SLC9A9: variants seen among roughly 807,000 people sequenced by gnomAD.
The protein encoded by SLC9A9 is solute carrier family 9 member A9.
A neutral mutation model predicts 77.8 loss-of-function variants in SLC9A9; 62 were observed. The observed-to-expected ratio is 0.80, with a 90% CI of 0.65 to 0.98. SLC9A9 has a LOEUF of 0.98. Among genes scored for constraint, SLC9A9 ranks in the 50% least tolerant of loss-of-function variants. The pLI is 0.00. For synonymous variants in SLC9A9, 320 were observed against 283.5 expected, an observed-to-expected ratio of 1.13 and a Z score of -1.29; for missense variants, 775 against 774.9, an observed-to-expected ratio of 1.00 and a Z score of 0.00.
chr3:143,434,042 T>C (rs2034575708), intron 12 of SLC9A9, among the ~76,000 whole-genome samples: 1 of 152,168 alleles, frequency 6.6e-6, no homozygotes, highest in Admixed American at 6.5e-5. Context: ...TCCTTATCTT[T>C]AAAATGGACA....
intron 6 of SLC9A9, among the ~76,000 whole-genome samples, chr3:143,600,055 G>A (rs1282468552): frequency 6.6e-6 from 1 of 151,206 alleles, no homozygotes; most frequent in Non-Finnish European, 1.5e-5. Flanking sequence ...TATACTTTAA[G>A]TTCTGGGATA....
chr3:143,522,853 T>G lies in SLC9A9; in HGVS notation c.1090-27405A>C, dbSNP rs114747419. On this transcript the variant is annotated intron_variant, in intron 9 of 15. Coordinates refer to ENST00000316549, the MANE Select transcript of SLC9A9 (RefSeq NM_173653.4). Reference sequence around the variant, plus strand: ...AGAGGAAATATGCTAAAAATTCCAATAAAACACACCCTAAATCATTACCCT... The same window carrying G: ...AGAGGAAATATGCTAAAAATTCCAAGAAAACACACCCTAAATCATTACCCT... 2.2e-3 allele frequency among the ~76,000 whole-genome samples: 333 copies of G among 152,156 alleles called. 1 individual carries two copies. The highest frequency in any genetic ancestry group is 7.7e-3 in the African/African-American group (319 of 41,524).
chr3:143,671,739 G>A (rs1359483581), intron 5 of SLC9A9, among the ~76,000 whole-genome samples: 3 of 152,202 alleles, frequency 2.0e-5, no homozygotes, highest in South Asian at 4.1e-4. Context: ...ACTGTTAAAT[G>A]ACACTGTGTG....
Position 143,473,478 on chromosome 3 carries a change from C to A in SLC9A9, c.1316-6288G>T, listed in dbSNP as rs111845695. On this transcript the variant is annotated intron_variant, in intron 11 of 15. Coordinates refer to ENST00000316549, the MANE Select transcript of SLC9A9 (RefSeq NM_173653.4). The stretch of plus-strand genomic sequence containing the variant: ...TGTTATCCCCACCTCTGTGCCATGG[C>A]CTCACCATTAATTTCTTGCTTCAGT... Among the ~76,000 whole-genome samples, 1,330 of 152,298 alleles carry A rather than the reference C, an allele frequency of 8.7e-3. 14 individuals are homozygous for A. The highest frequency in any genetic ancestry group is 0.03 in the African/African-American group (1,240 of 41,538).
At chr3:143,761,485 C>T (rs1428073422) in intron 4 of SLC9A9, among the ~76,000 whole-genome samples, 2 of 152,088 alleles carry the variant, frequency 1.3e-5, no homozygotes, top group Non-Finnish European at 2.9e-5. Context: ...TGAACTCAAA[C>T]AAATTTACCA....
intron 6 of SLC9A9, among the ~76,000 whole-genome samples, chr3:143,618,344 G>A (rs146614063): frequency 1.5e-3 from 232 of 152,290 alleles, no homozygotes; most frequent in African/African-American, 5.2e-3. Flanking sequence ...CTTTGGAAGG[G>A]AGTGTAAAGA....
chr3:143,422,035 A>G (rs1248756792), intron 12 of SLC9A9, among the ~76,000 whole-genome samples: 2 of 152,246 alleles, frequency 1.3e-5, no homozygotes, highest in African/African-American at 4.8e-5. Flanking sequence ...CCACAATATG[A>G]TATTATCTCA....
chr3:143,660,918 C>T (rs539282583), intron 5 of SLC9A9, among the ~76,000 whole-genome samples: 1 of 152,310 alleles, frequency 6.6e-6, no homozygotes, highest in Non-Finnish European at 1.5e-5. Flanking sequence ...ATATGTGTGC[C>T]TATGAGGTCC....
chr3:143,783,630 T>C (rs754568788), intron 4 of SLC9A9, among the ~76,000 whole-genome samples: 3 of 151,940 alleles, frequency 2.0e-5, no homozygotes, highest in Non-Finnish European at 4.4e-5. Context: ...AAATCATAAA[T>C]GGGGAAAAAT....
At chr3:143,711,426 C>A (rs1934191346) in intron 4 of SLC9A9, among the ~76,000 whole-genome samples, 1 of 151,964 alleles carries the variant, frequency 6.6e-6, no homozygotes, top group Non-Finnish European at 1.5e-5. Flanking sequence ...GAATTTTTTT[C>A]TTAGAGACAG....
chr3:143,444,565 C>A (rs1403247932), intron 12 of SLC9A9, among the ~76,000 whole-genome samples: 4 of 152,164 alleles, frequency 2.6e-5, no homozygotes, highest in African/African-American at 9.7e-5. Flanking sequence ...TTAATAGTCT[C>A]AGATAGTTTA....
chr3:143,286,192 C>T (rs1938376960), intron 14 of SLC9A9, among the ~76,000 whole-genome samples: 1 of 152,168 alleles, frequency 6.6e-6, no homozygotes, highest in Admixed American at 6.5e-5. Context: ...CCTAATTGGG[C>T]TTCCTTTTTC....
At chr3:143,523,644 G>A (rs1230118720) in intron 9 of SLC9A9, among the ~76,000 whole-genome samples, 1 of 152,132 alleles carries the variant, frequency 6.6e-6, no homozygotes, top group Non-Finnish European at 1.5e-5. Flanking sequence ...AATACCTACT[G>A]TGCAAACTTG....
intron 5 of SLC9A9, among the ~76,000 whole-genome samples, chr3:143,688,504 C>T (rs116050891): frequency 4.6e-4 from 70 of 152,208 alleles, no homozygotes; most frequent in African/African-American, 1.6e-3. Flanking sequence ...GCCAGAATAT[C>T]TACGTATGGC....
intron 9 of SLC9A9, among the ~76,000 whole-genome samples, chr3:143,539,539 G>A (rs2036649549): frequency 6.6e-6 from 1 of 152,116 alleles, no homozygotes; most frequent in African/African-American, 2.4e-5. Flanking sequence ...GAAATAAGTA[G>A]AAAAATTACA....
intron 8 of SLC9A9, among the ~76,000 whole-genome samples, chr3:143,569,814 C>CTT (rs530202918): frequency 1.5e-5 from 2 of 133,396 alleles, no homozygotes; most frequent in African/African-American, 2.8e-5. Context: ...TTGTTTTTTT[C>CTT]TTTTTTTTTT....
chr3:143,432,655 G>A (rs2034542684), intron 12 of SLC9A9, among the ~76,000 whole-genome samples: 1 of 152,138 alleles, frequency 6.6e-6, no homozygotes, highest in Admixed American at 6.5e-5. Context: ...TTGAGACGGA[G>A]TCTCATTCTG....
chr3:143,357,624 C>T (rs1342488184), intron 14 of SLC9A9, among the ~76,000 whole-genome samples: 1 of 152,152 alleles, frequency 6.6e-6, no homozygotes, highest in Admixed American at 6.6e-5. Flanking sequence ...GATGGGCCAC[C>T]TGAACTGGGG....
At chr3:143,287,811 GA>G (rs1478863050) in intron 14 of SLC9A9, among the ~76,000 whole-genome samples, 1 of 152,136 alleles carries the variant, frequency 6.6e-6, no homozygotes, top group Admixed American at 6.5e-5. Flanking sequence ...CACATGAAGT[GA>G]ACTGCAAAGG....
Sources: allele counts gnomAD v4.1 joint callset (sites outside exome capture counted in the v4.1 genomes callset), GRCh38; gene constraint gnomAD v4.1.1; transcripts MANE v1.5; gene names NCBI Gene and HGNC (gene_info 2026-07-23, HGNC 2026-07-21).